ATE1: variants seen among roughly 807,000 people sequenced by gnomAD.
ATE1 encodes the protein arginyl-tRNA--protein transferase 1.
Under a neutral mutation model 70.5 loss-of-function variants are expected in ATE1, and 36 were observed. The observed-to-expected ratio is 0.51, with a 90% confidence interval of 0.39 to 0.67. The LOEUF (loss-of-function observed/expected upper bound fraction) is 0.67. Among genes scored for constraint, ATE1 ranks in the 30% least tolerant of loss-of-function variants. The pLI, the probability that ATE1 is intolerant of heterozygous loss-of-function variation, is 0.00. For synonymous variants in ATE1, 232 were observed against 219.3 expected (o/e 1.06, Z -0.51); for missense variants, 593 against 629.5 (o/e 0.94, Z 0.62).
chr10:121,928,444 G>T, upstream of ATE1: 1 of 1,516,844 alleles, frequency 6.6e-7, no homozygotes, highest in Non-Finnish European at 8.8e-7. Context: ...CCGCCGCGAG[G>T]GTCCGCTCGG....
At chr10:121,867,041 T>C (rs1351202958) in intron 8 of ATE1, among the ~76,000 whole-genome samples, 1 of 152,064 alleles carries the variant, frequency 6.6e-6, no homozygotes, top group Non-Finnish European at 1.5e-5. Flanking sequence ...TATTGGAACT[T>C]GTCTACTTTT....
intron 3 of ATE1, among the ~76,000 whole-genome samples, chr10:121,919,358 A>G (rs1377034941): frequency 6.6e-6 from 1 of 152,144 alleles, no homozygotes; most frequent in South Asian, 2.1e-4. Context: ...CAGGAGTTCG[A>G]GACCAGCTTG....
intron 8 of ATE1, among the ~76,000 whole-genome samples, chr10:121,847,530 T>G (rs903101527): frequency 1.3e-5 from 2 of 150,960 alleles, no homozygotes; most frequent in African/African-American, 4.9e-5. Context: ...GAGGCCAAGG[T>G]GGGCAGATCA....
At chr10:121,751,968 T>C (rs1385797972) in intron 11 of ATE1, among the ~76,000 whole-genome samples, 1 of 151,788 alleles carries the variant, frequency 6.6e-6, no homozygotes, top group African/African-American at 2.4e-5. Flanking sequence ...CTGAGGCGCA[T>C]GGATCGTGAG....
Position 121,913,775 on chromosome 10 carries a change from C to A in ATE1, c.337+15G>T, listed in dbSNP as rs1234939317. 6.4e-7 allele frequency: 1 copy of A among 1,573,592 alleles called. No individual in the cohort carries two copies. The highest frequency in any genetic ancestry group is 8.7e-7 in the Non-Finnish European group (1 of 1,148,304). ...AGACAGATAGTAAATCGTTTTTAGA[C>A]CCAGCCCATCTTACCCTCACAACTT... On this transcript the variant is annotated intron_variant, in intron 4 of 11. Transcript: ENST00000224652.
chr10:121,743,519 C>A lies in ATE1; in HGVS notation c.*161G>T. Reference sequence around the variant, plus strand: ...CTTTATATTAACTATGAGATTCTCACAGATACATTGCCACAAAATATTTTT... The same window carrying A: ...CTTTATATTAACTATGAGATTCTCAAAGATACATTGCCACAAAATATTTTT... On this transcript the variant is annotated 3_prime_UTR_variant, in exon 12 of 12. Coordinates refer to ENST00000224652, the MANE Select transcript of ATE1 (RefSeq NM_001001976.3). The A allele has an allele frequency of 7.7e-7, 1 of 1,300,184 alleles. No individual in the cohort carries two copies. The allele number at this position is 1,300,184 out of a possible 1,614,324, so 80.5% of individuals were successfully genotyped here.
intron 11 of ATE1, among the ~76,000 whole-genome samples, chr10:121,774,920 A>C (rs1945672598): frequency 6.6e-6 from 1 of 152,218 alleles, no homozygotes; most frequent in Non-Finnish European, 1.5e-5. Flanking sequence ...TGACTATATT[A>C]CAAAATGAAT....
intron 4 of ATE1, among the ~76,000 whole-genome samples, chr10:121,911,779 C>T (rs1951443787): frequency 6.6e-6 from 1 of 152,048 alleles, no homozygotes; most frequent in Admixed American, 6.6e-5. Context: ...AGGAGTCTCC[C>T]TCTGTCGCCC....
chr10:121,785,678 G>C (rs1179912576), intron 11 of ATE1, among the ~76,000 whole-genome samples: 1 of 152,164 alleles, frequency 6.6e-6, no homozygotes, highest in Non-Finnish European at 1.5e-5. Context: ...CTCACACTAG[G>C]TACGAGCTTC....
chr10:121,811,834 T>A (rs1037278396), intron 10 of ATE1, among the ~76,000 whole-genome samples: 3 of 152,058 alleles, frequency 2.0e-5, no homozygotes, highest in Non-Finnish European at 4.4e-5. Context: ...TATCACACTC[T>A]CATAGTGTTT....
chr10:121,755,821 A>G (rs1410955695), intron 11 of ATE1, among the ~76,000 whole-genome samples: 1 of 152,164 alleles, frequency 6.6e-6, no homozygotes, highest in Non-Finnish European at 1.5e-5. Context: ...CCCAAAACAC[A>G]TGGGAATTAT....
At chr10:121,859,255 A>T (rs1461239023) in intron 8 of ATE1, among the ~76,000 whole-genome samples, 4 of 66,300 alleles carry the variant, frequency 6.0e-5, no homozygotes, top group Non-Finnish European at 1.3e-4. Flanking sequence ...ATTTTATTTT[A>T]TTTTATTTTT....
Position 121,837,575 on chromosome 10 carries a change from TTG to T in ATE1, c.1158-760_1158-759del, listed in dbSNP as rs1256599967. Among the ~76,000 whole-genome samples the T allele has an allele frequency of 8.5e-5, 13 of 152,326 alleles. No homozygotes were observed. In the South Asian group the frequency reaches 1.4e-3, roughly 17 times the overall value. ...GAGGAAAGTAGTTTTGTTTTTATGT[TTG>T]TTTCTTGAAGGTATTCTTTTCTTTA... On this transcript the variant is annotated intron_variant, in intron 9 of 11. Coordinates refer to ENST00000224652, the MANE Select transcript of ATE1 (RefSeq NM_001001976.3).
At position 121,743,797 on chromosome 10, in the gene ATE1, C is replaced by T. The variant is rs770816162; in HGVS notation, c.1440G>A (p.Met480Ile). ...RLQVFHKRAI[M>I]PYGVYKKQQK... ...GCTGTTTCTTATAAACACCGTAAGG[C>T]ATGATGGCTCTCTTGTGAAACACCT... is the stretch of plus-strand genomic sequence containing the variant. Residue 480 changes from methionine (M) to isoleucine (I), a missense_variant, in exon 12 of 12, where the codon ATG becomes ATA. Physicochemically the swap from Met to Ile is conservative, Grantham distance 10. Coordinates refer to ENST00000224652, the MANE Select transcript of ATE1 (RefSeq NM_001001976.3). The T allele has an allele frequency of 4.3e-6, 7 of 1,614,044 alleles. No individual in the cohort carries two copies. The highest frequency in any genetic ancestry group is 2.2e-5 in the South Asian group (2 of 91,074).
intron 8 of ATE1, among the ~76,000 whole-genome samples, chr10:121,863,089 A>AACT (rs1269838276): frequency 2.0e-5 from 3 of 152,134 alleles, no homozygotes; most frequent in African/African-American, 7.2e-5. Flanking sequence ...TGAAGTCCCC[A>AACT]ACTACTACAT....
intron 8 of ATE1, among the ~76,000 whole-genome samples, chr10:121,855,517 A>G (rs367599908): frequency 1.3e-5 from 2 of 152,196 alleles, no homozygotes; most frequent in African/African-American, 4.8e-5. Flanking sequence ...ATCTATAGCT[A>G]AAGTTGTAGA....
chr10:121,843,601 T>A (rs1948710519), intron 8 of ATE1, among the ~76,000 whole-genome samples: 1 of 152,072 alleles, frequency 6.6e-6, no homozygotes, highest in African/African-American at 2.4e-5. Flanking sequence ...TAGGTCAAGG[T>A]CAATGAGATA....
chr10:121,787,955 AAAG>A (rs1946279697), intron 11 of ATE1, among the ~76,000 whole-genome samples: 1 of 152,250 alleles, frequency 6.6e-6, no homozygotes, highest in Non-Finnish European at 1.5e-5. Flanking sequence ...ATAAGGAAAA[AAAG>A]AAGGTGAAGC....
At chr10:121,920,781 T>C (rs539854086) in intron 3 of ATE1, among the ~76,000 whole-genome samples, 1 of 151,874 alleles carries the variant, frequency 6.6e-6, no homozygotes, top group Non-Finnish European at 1.5e-5. Flanking sequence ...GATCATGAGG[T>C]CAGGAGTTCA....
Sources: allele counts gnomAD v4.1 joint callset (sites outside exome capture counted in the v4.1 genomes callset), GRCh38; gene constraint gnomAD v4.1.1; transcripts MANE v1.5; gene names NCBI Gene and HGNC (gene_info 2026-07-23, HGNC 2026-07-21).